RNF13: variants seen among roughly 807,000 people sequenced by gnomAD.
RNF13 encodes the protein E3 ubiquitin-protein ligase RNF13.
In RNF13, 19 loss-of-function variants were observed where a neutral mutation model predicts 37.7. The observed-to-expected ratio is 0.50, with a 90% CI of 0.35 to 0.74. The LOEUF (loss-of-function observed/expected upper bound fraction) is 0.74. RNF13 is among the 30% of genes least tolerant of loss of function. The pLI is 0.01. For synonymous variants in RNF13, 144 were observed against 157.8 expected (o/e 0.91, Z 0.65); for missense variants, 375 against 453.0 (o/e 0.83, Z 1.56).
intron 6 of RNF13, among the ~76,000 whole-genome samples, chr3:149,911,130 T>C (rs1716956344): frequency 6.6e-6 from 1 of 152,154 alleles, no homozygotes; most frequent in East Asian, 1.9e-4. Flanking sequence ...CCATATCTCA[T>C]AGATAATTGT....
At chr3:149,827,870 G>T (rs1720660188) in intron 1 of RNF13, among the ~76,000 whole-genome samples, 1 of 152,080 alleles carries the variant, frequency 6.6e-6, no homozygotes, top group Admixed American at 6.5e-5. Flanking sequence ...AGCATTTTGG[G>T]AGGCCAAGGT....
At chr3:149,878,264 G>T (rs1712977462) in intron 4 of RNF13, among the ~76,000 whole-genome samples, 1 of 152,092 alleles carries the variant, frequency 6.6e-6, no homozygotes, top group African/African-American at 2.4e-5. Context: ...AAGATATTCA[G>T]ATTACTCAGA....
intron 1 of RNF13, among the ~76,000 whole-genome samples, chr3:149,826,031 C>T (rs1254497740): frequency 2.0e-5 from 3 of 152,104 alleles, no homozygotes; most frequent in African/African-American, 4.8e-5. Flanking sequence ...GTTTAACTTA[C>T]TGAATAGTTT....
At chr3:149,816,576 G>A in intron 1 of RNF13, among the ~76,000 whole-genome samples, 1 of 150,194 alleles carries the variant, frequency 6.7e-6, no homozygotes, top group African/African-American at 2.4e-5. Context: ...AGTTGAAGGA[G>A]GGTGGAAAAA....
At chr3:149,853,892 A>C (rs1490281539) in intron 3 of RNF13, among the ~76,000 whole-genome samples, 2 of 145,542 alleles carry the variant, frequency 1.4e-5, no homozygotes, top group Admixed American at 7.0e-5. Context: ...ACTGGAGCAC[A>C]GTGGCACAAT....
At chr3:149,880,161 G>T (rs1031878075) in intron 4 of RNF13, among the ~76,000 whole-genome samples, 9 of 152,164 alleles carry the variant, frequency 5.9e-5, no homozygotes, top group Non-Finnish European at 5.9e-5. Context: ...TGTGTTACTT[G>T]TGAAATTCCT....
intron 8 of RNF13, among the ~76,000 whole-genome samples, chr3:149,922,745 CG>C (rs1209234379): frequency 5.9e-5 from 9 of 152,056 alleles, no homozygotes; most frequent in Admixed American, 5.9e-4. Flanking sequence ...GAGGAAAAAT[CG>C]GGTCAGGGAC....
At chr3:149,930,169 T>G (rs1719029759) in intron 8 of RNF13, among the ~76,000 whole-genome samples, 1 of 152,200 alleles carries the variant, frequency 6.6e-6, no homozygotes, top group Non-Finnish European at 1.5e-5. Context: ...CCTCAAGTGA[T>G]CTGCCTGCCT....
At chr3:149,846,716 C>T (rs1722672445) in intron 2 of RNF13, among the ~76,000 whole-genome samples, 1 of 152,176 alleles carries the variant, frequency 6.6e-6, no homozygotes, top group Non-Finnish European at 1.5e-5. Flanking sequence ...GTGCTTTGCA[C>T]ACATACCTAC....
chr3:149,916,179 T>C (rs1482590928), intron 7 of RNF13, among the ~76,000 whole-genome samples: 1 of 152,134 alleles, frequency 6.6e-6, no homozygotes, highest in Non-Finnish European at 1.5e-5. Flanking sequence ...GACCTTCTCA[T>C]AGTTATATAG....
chr3:149,950,426 G>T (rs1721207502), intron 8 of RNF13, among the ~76,000 whole-genome samples: 1 of 152,150 alleles, frequency 6.6e-6, no homozygotes, highest in African/African-American at 2.4e-5. Flanking sequence ...TAGTAGTGAG[G>T]TACAGGGAAG....
At chr3:149,931,872 C>T (rs1007072158) in intron 8 of RNF13, among the ~76,000 whole-genome samples, 6 of 152,178 alleles carry the variant, frequency 3.9e-5, no homozygotes, top group Non-Finnish European at 8.8e-5. Flanking sequence ...CTGGTAACCA[C>T]CAGTTTGCTC....
chr3:149,959,112 T>G (rs1326286828), intron 8 of RNF13, among the ~76,000 whole-genome samples: 1 of 152,228 alleles, frequency 6.6e-6, no homozygotes, highest in Non-Finnish European at 1.5e-5. Context: ...CTTTTGTCCC[T>G]AAAAGTTTTA....
intron 6 of RNF13, among the ~76,000 whole-genome samples, chr3:149,907,685 G>A (rs530353981): frequency 2.1e-4 from 32 of 152,254 alleles, no homozygotes; most frequent in African/African-American, 6.3e-4. Flanking sequence ...AGAACCTACA[G>A]CATATAGCAT....
At chr3:149,953,029 T>C (rs1214159023) in intron 8 of RNF13, among the ~76,000 whole-genome samples, 1 of 152,210 alleles carries the variant, frequency 6.6e-6, no homozygotes, top group Non-Finnish European at 1.5e-5. Context: ...TTGTAGTTTA[T>C]CTGCATAGAT....
At chr3:149,837,263 G>A (rs1559896626) in intron 1 of RNF13, among the ~76,000 whole-genome samples, 1 of 152,160 alleles carries the variant, frequency 6.6e-6, no homozygotes, top group Non-Finnish European at 1.5e-5. Flanking sequence ...ATATAGAAAA[G>A]CAGAGAAATA....
intron 1 of RNF13, among the ~76,000 whole-genome samples, chr3:149,843,742 C>G (rs1722386394): frequency 6.6e-6 from 1 of 152,164 alleles, no homozygotes; most frequent in Admixed American, 6.5e-5. Flanking sequence ...AGAATGTGGA[C>G]TTTGGAAACT....
At chr3:149,835,317 A>AGGTTTTTGGGGAACAGGT in intron 1 of RNF13, among the ~76,000 whole-genome samples, 1 of 152,222 alleles carries the variant, frequency 6.6e-6, no homozygotes, top group East Asian at 1.9e-4. Flanking sequence ...TTATTTCCAT[A>AGGTTTTTGGGGAACAGGT]GGTTTTTGGG....
At chr3:149,941,766 C>A (rs1720304112) in intron 8 of RNF13, among the ~76,000 whole-genome samples, 1 of 151,616 alleles carries the variant, frequency 6.6e-6, no homozygotes, top group Non-Finnish European at 1.5e-5. Context: ...TTCTCAAATC[C>A]AATATCCTGA....
Sources: allele counts gnomAD v4.1 joint callset (sites outside exome capture counted in the v4.1 genomes callset), GRCh38; gene constraint gnomAD v4.1.1; transcripts MANE v1.5; gene names NCBI Gene and HGNC (gene_info 2026-07-23, HGNC 2026-07-21).